OR4N2: variants seen among roughly 807,000 people sequenced by gnomAD.
OR4N2 encodes olfactory receptor family 4 subfamily N member 2, also known as olfactory receptor 4N2.
For synonymous variants in OR4N2, 141 were observed against 140.4 expected (o/e 1.00, Z -0.03); for missense variants, 307 against 377.6 (o/e 0.81, Z 1.55).
rs1223172611 is a variant in OR4N2, at chr14:19,828,356, A to G, written c.908A>G (p.Asn303Ser). The change falls in exon 2 of 2, where the codon AAT becomes AGT. Residue 303 changes from asparagine (N) to serine (S), a missense_variant. Asn to Ser is a conservative substitution (Grantham distance 46). Transcript: ENST00000557677. Reference protein sequence around the residue: ...EVKASMKKVFNKHIA With the variant: ...EVKASMKKVFSKHIA ...AAAGCTTCCATGAAAAAGGTGTTTA[A>G]TAAGCACATAGCCTGAAAAAGGGCG... The G allele has an allele frequency of 6.2e-7, 1 of 1,612,714 alleles. No individual in the cohort carries two copies. Among genetic ancestry groups the G allele is most frequent in the East Asian group, 2.2e-5 (1 of 44,872 alleles).
intron 1 of OR4N2, among the ~76,000 whole-genome samples, chr14:19,817,337 G>T (rs1879451712): frequency 6.6e-6 from 1 of 152,116 alleles, no homozygotes; most frequent in South Asian, 2.1e-4. Flanking sequence ...TTTTTTGGTT[G>T]GTAGGCTATT....
intron 1 of OR4N2, among the ~76,000 whole-genome samples, chr14:19,814,987 C>A (rs991204389): frequency 6.6e-6 from 1 of 152,226 alleles, no homozygotes; most frequent in African/African-American, 2.4e-5. Context: ...CATGTCCCTG[C>A]AAATGACATG....
chr14:19,808,611 A>T (rs1879222567), intron 1 of OR4N2, among the ~76,000 whole-genome samples: 1 of 152,234 alleles, frequency 6.6e-6, no homozygotes, highest in African/African-American at 2.4e-5. Context: ...ATACTAATAG[A>T]TTACAAGAAT....
At chr14:19,818,898 A>G (rs1400603346) in intron 1 of OR4N2, among the ~76,000 whole-genome samples, 1 of 152,184 alleles carries the variant, frequency 6.6e-6, no homozygotes, top group Non-Finnish European at 1.5e-5. Context: ...ATCTGTTAGT[A>G]TTTTCTTATC....
chr14:19,827,432 T>C lies in OR4N2; in HGVS notation c.-9-8T>C, dbSNP rs369045499. 8.9e-5 allele frequency: 139 copies of C among 1,557,788 alleles called. 1 individual carries two copies. In the African/African-American group the frequency reaches 1.8e-3, roughly 20 times the overall value. ...TAACAATTAATTCTGCTTCTTAATG[T>C]ACTGCAGGCCAGGGAAATGGAAAGC... On this transcript the variant is annotated splice_region_variant and splice_polypyrimidine_tract_variant and intron_variant, in intron 1 of 1. Transcript: ENST00000557677.
At position 19,819,212 on chromosome 14, in the gene OR4N2, C is replaced by T. The variant is rs200128810; in HGVS notation, c.-9-8228C>T. On this transcript the variant is annotated intron_variant, in intron 1 of 1. Coordinates refer to ENST00000557677, the MANE Select transcript of OR4N2 (RefSeq NM_001004723.3). ...ATCTTTGTGGTGTTCTCTGTATTTC[C>T]TGAATTTTAATGTTGGCCTGTCTTG... is the stretch of plus-strand genomic sequence containing the variant. 2.0e-4 allele frequency among the ~76,000 whole-genome samples: 30 copies of T among 152,278 alleles called. No individual in the cohort carries two copies. In the East Asian group the frequency reaches 5.0e-3, roughly 25 times the overall value.
chr14:19,823,968 T>A (rs2138479657), intron 1 of OR4N2, among the ~76,000 whole-genome samples: 1 of 152,378 alleles, frequency 6.6e-6, no homozygotes. Flanking sequence ...TGGAGATGTT[T>A]CTGTGTCTCC....
Position 19,828,576 on chromosome 14 carries a change from G to A in OR4N2, c.*204G>A. 3.7e-6 allele frequency: 2 copies of A among 546,396 alleles called. No individual in the cohort carries two copies. Among genetic ancestry groups the A allele is most frequent in the Non-Finnish European group, 6.4e-6 (2 of 314,556 alleles). 33.8% of individuals were successfully genotyped at this position (546,396 alleles called of 1,614,324 possible). On this transcript the variant is annotated 3_prime_UTR_variant, in exon 2 of 2. Coordinates refer to ENST00000557677, the MANE Select transcript of OR4N2 (RefSeq NM_001004723.3). Reference sequence around the variant, plus strand: ...CTAGTAAAAATAGACCACCATTAAGGTAGAAAATAAACAGCATAGTTTCAG... The same window carrying A: ...CTAGTAAAAATAGACCACCATTAAGATAGAAAATAAACAGCATAGTTTCAG...
chr14:19,815,838 C>A (rs898050829), intron 1 of OR4N2, among the ~76,000 whole-genome samples: 7 of 152,098 alleles, frequency 4.6e-5, no homozygotes, highest in Non-Finnish European at 8.8e-5. Context: ...TTAGGTTTTC[C>A]GTTTAAGCCT....
At chr14:19,806,554 G>A (rs1879170353) in intron 1 of OR4N2, among the ~76,000 whole-genome samples, 1 of 152,202 alleles carries the variant, frequency 6.6e-6, no homozygotes, top group South Asian at 2.1e-4. Flanking sequence ...GAACATTGGA[G>A]CACCCAGACT....
chr14:19,813,081 C>T (rs1393929053), intron 1 of OR4N2, among the ~76,000 whole-genome samples: 1 of 152,184 alleles, frequency 6.6e-6, no homozygotes, highest in Non-Finnish European at 1.5e-5. Context: ...TTACTTTTAT[C>T]TTATGAATTA....
intron 1 of OR4N2, among the ~76,000 whole-genome samples, chr14:19,824,097 A>G (rs1357081294): frequency 3.9e-5 from 6 of 152,336 alleles, no homozygotes; most frequent in Non-Finnish European, 7.3e-5. Flanking sequence ...TTAGAGATAC[A>G]GTGAGGAGGG....
rs375646894 is a variant in OR4N2 at position 19,817,110 on chromosome 14, T to C, written c.-9-10330T>C. 1.6e-4 allele frequency among the ~76,000 whole-genome samples: 25 copies of C among 152,334 alleles called. No individual in the cohort carries two copies. The South Asian group carries it at 5.0e-3, about 30-fold the overall frequency. On this transcript the variant is annotated intron_variant, in intron 1 of 1. Coordinates refer to ENST00000557677, the MANE Select transcript of OR4N2 (RefSeq NM_001004723.3). ...CGGTTTGCCAGTATTTTATTGAGGA[T>C]TTTTGCATCGATGTTCATCAGGGAT...
intron 1 of OR4N2, among the ~76,000 whole-genome samples, chr14:19,809,309 TG>T (rs2138462360): frequency 6.6e-6 from 1 of 152,372 alleles, no homozygotes; most frequent in South Asian, 2.1e-4. Flanking sequence ...AGAGAATTTT[TG>T]GCTGAGTCCT....
intron 1 of OR4N2, among the ~76,000 whole-genome samples, chr14:19,818,447 G>C (rs1173617492): frequency 6.6e-6 from 1 of 152,134 alleles, no homozygotes; most frequent in Non-Finnish European, 1.5e-5. Context: ...GCCCTTCTTT[G>C]TCTTTTTTGA....
intron 1 of OR4N2, among the ~76,000 whole-genome samples, chr14:19,812,284 T>C (rs1262578605): frequency 6.6e-6 from 1 of 151,562 alleles, no homozygotes; most frequent in Non-Finnish European, 1.5e-5. Flanking sequence ...TTGAATTTTC[T>C]GTTATTTTTT....
chr14:19,810,079 A>T (rs1188921019), intron 1 of OR4N2, among the ~76,000 whole-genome samples: 1 of 152,276 alleles, frequency 6.6e-6, no homozygotes, highest in Non-Finnish European at 1.5e-5. Flanking sequence ...ACAAAATGGG[A>T]TAAAATATTT....
intron 1 of OR4N2, among the ~76,000 whole-genome samples, chr14:19,807,900 A>G (rs1415986117): frequency 1.3e-5 from 2 of 152,130 alleles, no homozygotes; most frequent in African/African-American, 2.4e-5. Flanking sequence ...TCAAGTAGGT[A>G]CTATTCCTGA....
chr14:19,808,652 A>G (rs1879223387), intron 1 of OR4N2, among the ~76,000 whole-genome samples: 1 of 152,182 alleles, frequency 6.6e-6, no homozygotes, highest in Non-Finnish European at 1.5e-5. Flanking sequence ...CACTGCCCAA[A>G]GCAGTCTACA....
Sources: gnomAD v4.1 joint callset for allele counts (sites outside exome capture counted in the v4.1 genomes callset) on GRCh38, gnomAD v4.1.1 for gene constraint, MANE v1.5 for transcripts, NCBI Gene and HGNC (gene_info 2026-07-23, HGNC 2026-07-21) for gene names.